Variants in VAT1L observed in about 807,000 individuals in gnomAD.
VAT1L encodes the protein vesicle amine transport 1 like, also known as putative NADPH-dependent quinone oxidoreductase VAT1L.
A neutral mutation model predicts 44.1 loss-of-function variants in VAT1L; 34 were observed. The observed-to-expected ratio is 0.77, with a 90% CI of 0.59 to 1.03. The LOEUF is 1.03. Among genes scored for constraint, VAT1L ranks in the 50% least tolerant of loss-of-function variants. The probability of loss-of-function intolerance (pLI) is 0.00; values close to 1 mark genes in which losing one functional copy is unlikely to be tolerated. For missense variants in VAT1L, 615 were observed against 538.8 expected (o/e 1.14, Z -1.40); for synonymous variants, 253 against 202.2 (o/e 1.25, Z -2.13).
At chr16:77,953,065 A>G (rs1597118723) in intron 7 of VAT1L, among the ~76,000 whole-genome samples, 1 of 152,074 alleles carries the variant, frequency 6.6e-6, no homozygotes, top group East Asian at 1.9e-4. Context: ...TGTAAGAAGG[A>G]AAAAAGAGAG....
intron 7 of VAT1L, among the ~76,000 whole-genome samples, chr16:77,933,782 C>T (rs559193475): frequency 5.3e-4 from 80 of 152,222 alleles, no homozygotes; most frequent in South Asian, 1.5e-3. Flanking sequence ...AAGGCAAATA[C>T]GACTGGAGCA....
At chr16:77,815,985 A>G (rs7192560) in intron 1 of VAT1L, among the ~76,000 whole-genome samples, 6 of 100,554 alleles carry the variant, frequency 6.0e-5, no homozygotes, top group African/African-American at 1.5e-4. Context: ...AAAAAAAAAA[A>G]AAAAGTACAT....
chr16:77,838,228 A>G (rs1241711334), intron 3 of VAT1L, among the ~76,000 whole-genome samples: 1 of 152,218 alleles, frequency 6.6e-6, no homozygotes, highest in East Asian at 1.9e-4. Flanking sequence ...CTGGGGACCC[A>G]TCCACTTTCC....
rs1355714983 is a variant in VAT1L, at chr16:77,849,946, G to C, written c.580-12802G>C. Among the ~76,000 whole-genome samples the C allele has an allele frequency of 2.0e-5, 3 of 152,168 alleles. No homozygotes were observed. In the East Asian group the frequency reaches 5.8e-4, roughly 29 times the overall value. On this transcript the variant is annotated intron_variant, in intron 3 of 8. Transcript: ENST00000302536. Reference sequence around the variant, plus strand: ...GTTTGAGTCATTCATGTTCAGGGCAGGTACTTTGAAATGGAATTGTTGATC... The same window carrying C: ...GTTTGAGTCATTCATGTTCAGGGCACGTACTTTGAAATGGAATTGTTGATC...
intron 4 of VAT1L, among the ~76,000 whole-genome samples, chr16:77,868,051 T>C (rs1183234874): frequency 6.6e-6 from 1 of 152,196 alleles, no homozygotes; most frequent in Non-Finnish European, 1.5e-5. Context: ...CAAAAATGTA[T>C]TTAATACACC....
chr16:77,830,432 A>T (rs2966039), intron 3 of VAT1L, among the ~76,000 whole-genome samples: 1 of 152,100 alleles, frequency 6.6e-6, no homozygotes, highest in Non-Finnish European at 1.5e-5. Context: ...TGTCCCCGCC[A>T]AAATCTCATC....
chr16:77,903,182 C>G (rs903170959), intron 7 of VAT1L, among the ~76,000 whole-genome samples: 2 of 152,214 alleles, frequency 1.3e-5, no homozygotes, highest in East Asian at 1.9e-4. Flanking sequence ...GAAACTTATT[C>G]TTACTGAACC....
chr16:77,917,283 A>T (rs1315268950), intron 7 of VAT1L, among the ~76,000 whole-genome samples: 2 of 152,176 alleles, frequency 1.3e-5, no homozygotes, highest in African/African-American at 4.8e-5. Flanking sequence ...CGAAAAAGGA[A>T]GGGGCAAGCC....
At position 77,884,505 on chromosome 16, in the gene VAT1L, C is replaced by A; in HGVS notation, c.883-103C>A. The A allele has an allele frequency of 8.8e-7, 1 of 1,141,226 alleles. No individual in the cohort carries two copies. Among genetic ancestry groups the A allele is most frequent in the Non-Finnish European group, 1.2e-6 (1 of 822,584 alleles). The allele number at this position is 1,141,226 out of a possible 1,614,324, so 70.7% of individuals were successfully genotyped here. A position where few individuals can be genotyped will look rare whatever the true frequency, so the allele number is the denominator to read the frequency against. On this transcript the variant is annotated intron_variant, in intron 6 of 8. Coordinates refer to ENST00000302536, the MANE Select transcript of VAT1L (RefSeq NM_020927.3). This position sits in a 1 kb window ranked among gnomAD's most constrained non-coding sequence, Gnocchi z 4.5. Reference sequence around the variant, plus strand: ...CCAGCTGGAATCTGCTGAGCTGCAGCCCCACGTTCCCCCTGTAGTAGCTGA... The same window carrying A: ...CCAGCTGGAATCTGCTGAGCTGCAGACCCACGTTCCCCCTGTAGTAGCTGA...
intron 3 of VAT1L, among the ~76,000 whole-genome samples, chr16:77,842,743 C>A (rs561274752): frequency 7.3e-4 from 111 of 152,260 alleles, no homozygotes; most frequent in South Asian, 1.7e-3. Flanking sequence ...ACTCCCAGCC[C>A]CACTAATTGA....
intron 1 of VAT1L, chr16:77,800,769 C>T (rs2016033529): frequency 6.6e-6 from 1 of 152,166 alleles, no homozygotes; most frequent in South Asian, 2.1e-4. Context: ...TTAATGCTCC[C>T]ACTGTTTGGA....
At chr16:77,872,998 T>C (rs2017047970) in intron 4 of VAT1L, among the ~76,000 whole-genome samples, 1 of 152,216 alleles carries the variant, frequency 6.6e-6, no homozygotes, top group African/African-American at 2.4e-5. Context: ...TCTAGATGTT[T>C]GATCTAGGCC....
rs533875192 is a variant in VAT1L, at chr16:77,813,339, G to A, written c.234-3582G>A. Among the ~76,000 whole-genome samples the A allele has an allele frequency of 9.2e-5, 14 of 152,258 alleles. No individual in the cohort carries two copies. In the East Asian group the frequency reaches 2.7e-3, roughly 29 times the overall value. Reference sequence around the variant, plus strand: ...AGAGTCAACAATGTCTGTCCCAATGGGTGATTGATTACGGTATTCGTTTGA... The same window carrying A: ...AGAGTCAACAATGTCTGTCCCAATGAGTGATTGATTACGGTATTCGTTTGA... On this transcript the variant is annotated intron_variant, in intron 1 of 8. Transcript: ENST00000302536.
At chr16:77,866,374 G>C (rs2016974293) in intron 4 of VAT1L, among the ~76,000 whole-genome samples, 1 of 151,878 alleles carries the variant, frequency 6.6e-6, no homozygotes, top group Non-Finnish European at 1.5e-5. Context: ...TAATTATGAA[G>C]ACAGCCACAA....
intron 7 of VAT1L, among the ~76,000 whole-genome samples, chr16:77,895,666 C>A (rs1226170604): frequency 6.6e-6 from 1 of 152,202 alleles, no homozygotes; most frequent in South Asian, 2.1e-4. Context: ...ATTTGCAGAA[C>A]TGTAAGAGAA....
At chr16:77,802,646 A>T (rs1430653425) in intron 1 of VAT1L, among the ~76,000 whole-genome samples, 2 of 149,214 alleles carry the variant, frequency 1.3e-5, no homozygotes, top group Non-Finnish European at 3.0e-5. Flanking sequence ...ACACACACAC[A>T]CACACACACA....
At chr16:77,950,689 C>G (rs184553460) in intron 7 of VAT1L, among the ~76,000 whole-genome samples, 174 of 152,146 alleles carry the variant, frequency 1.1e-3, no homozygotes, top group Non-Finnish European at 2.2e-3. Context: ...ACATTTTGCT[C>G]CAGTTTTTTG....
intron 7 of VAT1L, among the ~76,000 whole-genome samples, chr16:77,901,389 C>A (rs960003158): frequency 2.6e-5 from 4 of 151,994 alleles, no homozygotes; most frequent in African/African-American, 9.7e-5. Context: ...TGGTCTTGAT[C>A]TCCTGACCTT....
chr16:77,791,650 G>C (rs2015837769), intron 1 of VAT1L, among the ~76,000 whole-genome samples: 1 of 152,132 alleles, frequency 6.6e-6, no homozygotes, highest in Non-Finnish European at 1.5e-5. Flanking sequence ...CTTAGCACAT[G>C]TGATTCCCCT....
Sources: allele counts gnomAD v4.1 joint callset (sites outside exome capture counted in the v4.1 genomes callset), GRCh38; gene constraint gnomAD v4.1.1; non-coding constraint Gnocchi (gnomAD v3.1); transcripts MANE v1.5; gene names NCBI Gene and HGNC (gene_info 2026-07-23, HGNC 2026-07-21).